Variants in BCKDHB observed in about 807,000 individuals in gnomAD.
The protein encoded by BCKDHB is branched chain keto acid dehydrogenase E1 subunit beta.
In BCKDHB, 41 loss-of-function variants were observed where a neutral mutation model predicts 48.5. The observed-to-expected ratio is 0.85, with a 90% CI of 0.66 to 1.10. BCKDHB has a LOEUF of 1.10. Among genes scored for constraint, BCKDHB ranks in the 50% least tolerant of loss-of-function variants. The probability of loss-of-function intolerance (pLI) is 0.00; values close to 1 mark genes in which losing one functional copy is unlikely to be tolerated. For synonymous variants in BCKDHB, 201 were observed against 174.8 expected (o/e 1.15, Z -1.18); for missense variants, 496 against 494.2 (o/e 1.00, Z -0.03).
At chr6:80,113,365 T>C (rs1769515560) in intron 1 of BCKDHB, among the ~76,000 whole-genome samples, 1 of 152,130 alleles carries the variant, frequency 6.6e-6, no homozygotes, top group African/African-American at 2.4e-5. Context: ...AAATGGCCAC[T>C]GAAAGACTGA....
chr6:80,164,712 G>T (rs1296425981), intron 3 of BCKDHB, among the ~76,000 whole-genome samples: 1 of 152,140 alleles, frequency 6.6e-6, no homozygotes, highest in African/African-American at 2.4e-5. Flanking sequence ...CATAAGAAAT[G>T]GAGCCTTAGA....
chr6:80,157,644 ATT>A (rs70981407), intron 3 of BCKDHB, among the ~76,000 whole-genome samples: 3 of 137,426 alleles, frequency 2.2e-5, no homozygotes, highest in African/African-American at 2.7e-5. Flanking sequence ...TTTTTTTTGT[ATT>A]TTTTTTTTTT....
chr6:80,169,446 T>C (rs776373721), intron 5 of BCKDHB, among the ~76,000 whole-genome samples: 6 of 152,348 alleles, frequency 3.9e-5, no homozygotes, highest in Non-Finnish European at 5.9e-5. Context: ...ATAACACTTT[T>C]GCTTTTAATG....
intron 9 of BCKDHB, among the ~76,000 whole-genome samples, chr6:80,321,812 T>A (rs3805877): frequency 0.45 from 67,813 of 151,762 alleles, 16,561 homozygotes; most frequent in Admixed American, 0.61. Flanking sequence ...TTTCCGTTAT[T>A]CTCTACTTCC....
chr6:80,131,572 T>G (rs895722464), intron 3 of BCKDHB, among the ~76,000 whole-genome samples: 21 of 152,028 alleles, frequency 1.4e-4, no homozygotes, highest in African/African-American at 5.1e-4. Context: ...TTACCCTCCC[T>G]CCAATCCATT....
At chr6:80,391,659 A>G in the BCKDHB span, among the ~76,000 whole-genome samples, 1 of 152,142 alleles carries the variant, frequency 6.6e-6, no homozygotes, top group East Asian at 1.9e-4. Flanking sequence ...AAGCCTCCAA[A>G]GTTATGGTAA....
chr6:80,369,936 GT>G, the BCKDHB span, among the ~76,000 whole-genome samples: 3 of 64,780 alleles, frequency 4.6e-5, no homozygotes, highest in Non-Finnish European at 1.3e-4. Flanking sequence ...TTTATGATAT[GT>G]TATAGTAATC....
the BCKDHB span, among the ~76,000 whole-genome samples, chr6:80,405,115 C>T: frequency 6.6e-6 from 1 of 151,974 alleles, no homozygotes; most frequent in Non-Finnish European, 1.5e-5. Context: ...GGATGATCTA[C>T]CTATTGTTGA....
At chr6:80,193,040 C>G (rs140826577) in intron 6 of BCKDHB, among the ~76,000 whole-genome samples, 4 of 152,014 alleles carry the variant, frequency 2.6e-5, no homozygotes, top group African/African-American at 9.6e-5. Flanking sequence ...AGGCTGGTCT[C>G]GAACTCCTGA....
the BCKDHB span, among the ~76,000 whole-genome samples, chr6:80,364,469 G>C: frequency 6.6e-6 from 1 of 152,176 alleles, no homozygotes; most frequent in Non-Finnish European, 1.5e-5. Context: ...GAGCCATAAA[G>C]TACTGGTGAG....
chr6:80,116,421 A>G, intron 1 of BCKDHB, among the ~76,000 whole-genome samples: 1 of 152,230 alleles, frequency 6.6e-6, no homozygotes, highest in East Asian at 1.9e-4. Context: ...TTCAACAAAT[A>G]TTTATTTAGC....
intron 8 of BCKDHB, among the ~76,000 whole-genome samples, chr6:80,257,667 T>G (rs2127945568): frequency 6.6e-6 from 1 of 152,026 alleles, no homozygotes; most frequent in African/African-American, 2.4e-5. Flanking sequence ...GTAGAGAGGC[T>G]CAGACTAAGT....
At chr6:80,405,048 G>C in the BCKDHB span, among the ~76,000 whole-genome samples, 1 of 151,972 alleles carries the variant, frequency 6.6e-6, no homozygotes, top group South Asian at 2.1e-4. Context: ...TGTTCTTTGG[G>C]TCCATTTCCT....
At chr6:80,326,759 G>T (rs992262646) in intron 9 of BCKDHB, among the ~76,000 whole-genome samples, 3 of 152,046 alleles carry the variant, frequency 2.0e-5, no homozygotes, top group Non-Finnish European at 4.4e-5. Context: ...ATTGTGGCTT[G>T]TGTCTGTAAT....
the BCKDHB span, among the ~76,000 whole-genome samples, chr6:80,368,056 G>A: frequency 6.6e-6 from 1 of 152,158 alleles, no homozygotes; most frequent in Non-Finnish European, 1.5e-5. Context: ...ACTGGTTTCT[G>A]TGTCATCCAG....
the BCKDHB span, among the ~76,000 whole-genome samples, chr6:80,438,425 A>G: frequency 6.6e-6 from 1 of 152,126 alleles, no homozygotes; most frequent in African/African-American, 2.4e-5. Flanking sequence ...GTCTTTTTAC[A>G]TGCATGTTTT....
chr6:80,441,935 C>A, the BCKDHB span, among the ~76,000 whole-genome samples: 2 of 151,902 alleles, frequency 1.3e-5, no homozygotes, highest in African/African-American at 4.8e-5. Flanking sequence ...TATTCAATTA[C>A]AATATGATTA....
intron 9 of BCKDHB, among the ~76,000 whole-genome samples, chr6:80,325,071 A>C (rs1267524820): frequency 6.6e-6 from 1 of 152,180 alleles, no homozygotes; most frequent in Non-Finnish European, 1.5e-5. Context: ...GTTTTGAATA[A>C]CATATAGAAA....
chr6:80,256,132 T>C (rs1777039592), intron 8 of BCKDHB, among the ~76,000 whole-genome samples: 1 of 152,146 alleles, frequency 6.6e-6, no homozygotes, highest in Admixed American at 6.6e-5. Flanking sequence ...AGAAAGAAAA[T>C]GATCCATGTT....
Sources: gnomAD v4.1 joint callset for allele counts (sites outside exome capture counted in the v4.1 genomes callset) on GRCh38, gnomAD v4.1.1 for gene constraint, MANE v1.5 for transcripts, NCBI Gene and HGNC (gene_info 2026-07-23, HGNC 2026-07-21) for gene names.